Variants in DCAF7 observed in about 807,000 individuals in gnomAD.
DCAF7 encodes the protein DDB1 and CUL4 associated factor 7.
A neutral mutation model predicts 41.2 loss-of-function variants in DCAF7; 4 were observed. The ratio of observed to expected loss-of-function variants is 0.10; its 90% CI spans 0.05 to 0.22. DCAF7 has a LOEUF of 0.22. Among genes scored for constraint, DCAF7 ranks in the 10% least tolerant of loss-of-function variants. The probability of loss-of-function intolerance (pLI) is 1.00; values close to 1 mark genes in which losing one functional copy is unlikely to be tolerated. For synonymous variants in DCAF7, 143 were observed against 164.2 expected (o/e 0.87, Z 0.99); for missense variants, 131 against 443.2 (o/e 0.30, Z 6.32).
chr17:63,560,884 C>T, intron 1 of DCAF7, among the ~76,000 whole-genome samples: 1 of 152,216 alleles, frequency 6.6e-6, no homozygotes, highest in Non-Finnish European at 1.5e-5. Context: ...ATAATATTAA[C>T]ATCAGATAAA....
At chr17:63,576,418 G>C (rs1049231495) in intron 1 of DCAF7, among the ~76,000 whole-genome samples, 2 of 152,064 alleles carry the variant, frequency 1.3e-5, no homozygotes, top group African/African-American at 4.8e-5. Flanking sequence ...TTGCACTCCA[G>C]CCTGGGTGAC....
At chr17:63,575,171 A>T (rs554595828) in intron 1 of DCAF7, among the ~76,000 whole-genome samples, 73 of 152,078 alleles carry the variant, frequency 4.8e-4, no homozygotes, top group South Asian at 1.5e-3. Context: ...TACAAAAAAT[A>T]AAAATTAAAA....
intron 4 of DCAF7, among the ~76,000 whole-genome samples, chr17:63,581,616 G>A (rs1782467862): frequency 6.6e-6 from 1 of 152,220 alleles, no homozygotes; most frequent in Admixed American, 6.5e-5. Context: ...GCAGCCAGCA[G>A]ATCTGAGACC....
chr17:63,556,132 G>A (rs574020877), intron 1 of DCAF7, among the ~76,000 whole-genome samples: 9 of 152,210 alleles, frequency 5.9e-5, no homozygotes, highest in Non-Finnish European at 7.3e-5. Flanking sequence ...TGTGTTAGCC[G>A]ATTTTTGTTT....
At chr17:63,559,933 T>G (rs2033363142) in intron 1 of DCAF7, among the ~76,000 whole-genome samples, 1 of 152,094 alleles carries the variant, frequency 6.6e-6, no homozygotes, top group Admixed American at 6.6e-5. Context: ...ATAAAATCTC[T>G]GTAACAAAAC....
At chr17:63,567,803 G>C (rs79836779) in intron 1 of DCAF7, among the ~76,000 whole-genome samples, 1,860 of 151,986 alleles carry the variant, frequency 0.012, 20 homozygotes, top group Non-Finnish European at 0.021. Flanking sequence ...GGGACTACAG[G>C]CCCGTGCAAC....
intron 1 of DCAF7, among the ~76,000 whole-genome samples, chr17:63,570,688 G>A (rs2033497280): frequency 6.6e-6 from 1 of 152,114 alleles, no homozygotes; most frequent in African/African-American, 2.4e-5. Flanking sequence ...AACATTATTA[G>A]GATATATATT....
chr17:63,573,860 A>AT (rs1199226998), intron 1 of DCAF7, among the ~76,000 whole-genome samples: 28 of 151,534 alleles, frequency 1.8e-4, no homozygotes, highest in African/African-American at 6.1e-4. Context: ...CTATCCCTTA[A>AT]TTTTTCCCCT....
chr17:63,572,923 C>G (rs549563753), intron 1 of DCAF7, among the ~76,000 whole-genome samples: 1 of 152,106 alleles, frequency 6.6e-6, no homozygotes, highest in Non-Finnish European at 1.5e-5. Context: ...CTACCACACC[C>G]GGCTAATTTT....
intron 1 of DCAF7, among the ~76,000 whole-genome samples, chr17:63,578,022 A>G (rs968751479): frequency 4.6e-5 from 7 of 152,282 alleles, no homozygotes; most frequent in African/African-American, 1.7e-4. Flanking sequence ...ATACCCTCTC[A>G]TGGCAATCGT....
chr17:63,550,610 T>C lies in DCAF7; in HGVS notation c.-68T>C. 6.3e-7 allele frequency: 1 copy of C among 1,590,774 alleles called. No homozygotes were observed. Among genetic ancestry groups the C allele is most frequent in the Non-Finnish European group, 8.6e-7 (1 of 1,167,886 alleles). ...TCTCCTCCCTTCGGACCCATAGATC[T>C]CAGGCTCGGCTCCCCGCCCGCCGCA... is the stretch of plus-strand genomic sequence containing the variant. On this transcript the variant is annotated 5_prime_UTR_variant, in exon 1 of 7. Coordinates refer to ENST00000614556, the MANE Select transcript of DCAF7 (RefSeq NM_005828.5). This position sits in a 1 kb window ranked among gnomAD's most constrained non-coding sequence, Gnocchi z 4.8.
chr17:63,585,288 T>C lies in DCAF7; in HGVS notation c.816T>C (p.Ile272=), dbSNP rs1399765481. Residue 272 remains isoleucine, a synonymous_variant, in exon 6 of 7, where the codon ATT becomes ATC. Transcript: ENST00000614556. ...LNNHRACVNG[I]AWAPHSSCHI... is the part of the protein sequence containing the mutation. ...ACCATCGAGCATGTGTCAATGGCATTGCTTGGGCCCCACATTCATCCTGCC... is the reference window on the plus strand; with the variant it reads ...ACCATCGAGCATGTGTCAATGGCATCGCTTGGGCCCCACATTCATCCTGCC... The C allele has an allele frequency of 6.2e-7, 1 of 1,614,046 alleles. No individual in the cohort carries two copies. The highest frequency in any genetic ancestry group is 8.5e-7 in the Non-Finnish European group (1 of 1,179,902).
intron 1 of DCAF7, among the ~76,000 whole-genome samples, chr17:63,562,383 C>T (rs973176851): frequency 6.6e-6 from 1 of 152,014 alleles, no homozygotes; most frequent in African/African-American, 2.4e-5. Flanking sequence ...GGGGTGCGCA[C>T]GGACACTCAT....
At position 63,592,039 on chromosome 17, in the gene DCAF7, G is replaced by A. The variant is rs1159853354; in HGVS notation, c.*2867G>A. ...GGACCTGAATTTTTTATGCTCAGGA[G>A]CATTGGAATCCTCTTCTTCCAGGGA... On this transcript the variant is annotated 3_prime_UTR_variant, in exon 7 of 7. Coordinates refer to ENST00000614556, the MANE Select transcript of DCAF7 (RefSeq NM_005828.5). 4 of 152,272 alleles carry A rather than the reference G, an allele frequency of 2.6e-5. No individual in the cohort carries two copies. The highest frequency in any genetic ancestry group is 1.9e-4 in the East Asian group (1 of 5,204). The allele number at this position is 152,272 out of a possible 1,614,324, so 9.4% of individuals were successfully genotyped here.
At chr17:63,578,336 C>G in intron 1 of DCAF7, 134 bp from the exon 2 acceptor site, 1 of 1,275,194 alleles carries the variant, frequency 7.8e-7, no homozygotes, top group Non-Finnish European at 1.1e-6. Flanking sequence ...TGCACTCCAG[C>G]CTGGGCAACA....
At chr17:63,552,497 A>G (rs1309009938) in intron 1 of DCAF7, 1 of 152,186 alleles carries the variant, frequency 6.6e-6, no homozygotes, top group Non-Finnish European at 1.5e-5. Flanking sequence ...TTTCTTCCTT[A>G]TGGCCCATAG....
intron 1 of DCAF7, among the ~76,000 whole-genome samples, chr17:63,570,545 C>G (rs1039384778): frequency 3.9e-5 from 6 of 152,150 alleles, no homozygotes; most frequent in African/African-American, 1.2e-4. Flanking sequence ...ATAGGGAAGC[C>G]TCCTCTTCCC....
intron 1 of DCAF7, among the ~76,000 whole-genome samples, chr17:63,575,266 G>A (rs1371660655): frequency 6.6e-6 from 1 of 152,198 alleles, no homozygotes; most frequent in Non-Finnish European, 1.5e-5. Context: ...GGGAAACGGA[G>A]GTTTCAGTAA....
At chr17:63,584,767 AAG>A (rs376446187) in intron 5 of DCAF7, among the ~76,000 whole-genome samples, 1 of 152,204 alleles carries the variant, frequency 6.6e-6, no homozygotes, top group Admixed American at 6.5e-5. Context: ...CTCAAAAAAA[AAG>A]AAAAACAAAT....
Sources: gnomAD v4.1 joint callset for allele counts (sites outside exome capture counted in the v4.1 genomes callset) on GRCh38, gnomAD v4.1.1 for gene constraint, Gnocchi (gnomAD v3.1) non-coding constraint, MANE v1.5 for transcripts, NCBI Gene and HGNC (gene_info 2026-07-23, HGNC 2026-07-21) for gene names.